TENM2: variants seen among roughly 807,000 people sequenced by gnomAD.
TENM2 encodes the protein teneurin transmembrane protein 2.
A neutral mutation model predicts 245.2 loss-of-function variants in TENM2; 52 were observed. The ratio of observed to expected loss-of-function variants is 0.21; its 90% CI spans 0.17 to 0.27. The LOEUF is 0.27. Ranked by LOEUF, TENM2 falls within the 10% of genes least tolerant of loss-of-function variation. The probability of loss-of-function intolerance (pLI) is 1.00; values close to 1 mark genes in which losing one functional copy is unlikely to be tolerated. For missense variants in TENM2, 3,046 were observed against 3,666.8 expected, an observed-to-expected ratio of 0.83 and a Z score of 4.37; for synonymous variants, 1,363 against 1,438.9, an observed-to-expected ratio of 0.95 and a Z score of 1.19.
At chr5:167,117,625 C>A in the TENM2 span, among the ~76,000 whole-genome samples, 1 of 152,146 alleles carries the variant, frequency 6.6e-6, no homozygotes, top group Admixed American at 6.5e-5. Flanking sequence ...GGTGTTTAGA[C>A]CTTACCTCTT....
intron 2 of TENM2, among the ~76,000 whole-genome samples, chr5:167,647,145 A>G (rs1384641124): frequency 2.0e-5 from 3 of 152,184 alleles, no homozygotes; most frequent in African/African-American, 7.2e-5. Flanking sequence ...CTAAGACATT[A>G]CGGTAGAAGT....
the TENM2 span, among the ~76,000 whole-genome samples, chr5:167,172,625 T>C: frequency 7.2e-6 from 1 of 139,078 alleles, no homozygotes; most frequent in East Asian, 2.7e-4. Context: ...CATTTTCATC[T>C]TTTTTTTTTT....
At chr5:167,293,365 C>G (rs936500915) in intron 1 of TENM2, among the ~76,000 whole-genome samples, 32 of 139,546 alleles carry the variant, frequency 2.3e-4, no homozygotes, top group Non-Finnish European at 4.4e-4. Context: ...CCATGTCCGG[C>G]TAATTTTTTT....
chr5:167,661,092 C>G (rs569515044), intron 2 of TENM2, among the ~76,000 whole-genome samples: 2 of 152,218 alleles, frequency 1.3e-5, no homozygotes, highest in Admixed American at 1.3e-4. Flanking sequence ...CATTAGGGCA[C>G]GTTGCACTGA....
intron 7 of TENM2, among the ~76,000 whole-genome samples, chr5:168,075,349 G>A (rs762745256): frequency 2.2e-4 from 33 of 152,102 alleles, no homozygotes; most frequent in Non-Finnish European, 4.4e-4. Flanking sequence ...ATGGGGATTT[G>A]GGCTGGTTCC....
At chr5:167,061,119 C>CACACAT in the TENM2 span, among the ~76,000 whole-genome samples, 1 of 147,430 alleles carries the variant, frequency 6.8e-6, no homozygotes. Flanking sequence ...CACACACACA[C>CACACAT]ACATGCATAC....
intron 2 of TENM2, among the ~76,000 whole-genome samples, chr5:167,440,791 T>TC (rs1158025276): frequency 6.6e-6 from 1 of 152,122 alleles, no homozygotes. Context: ...TTTCCTTCCT[T>TC]CTTCTAACTT....
intron 2 of TENM2, among the ~76,000 whole-genome samples, chr5:167,667,134 G>A (rs903153725): frequency 3.3e-5 from 5 of 152,140 alleles, no homozygotes; most frequent in African/African-American, 1.2e-4. Context: ...CCTTACATCT[G>A]CTTTCAGTTG....
chr5:167,859,313 G>A (rs1301769819), intron 2 of TENM2, among the ~76,000 whole-genome samples: 9 of 144,488 alleles, frequency 6.2e-5, no homozygotes, highest in Non-Finnish European at 1.2e-4. Flanking sequence ...TCTCCGCCCG[G>A]CAGCCACCCC....
At chr5:168,161,845 T>A (rs939021757) in intron 12 of TENM2, among the ~76,000 whole-genome samples, 9 of 80,446 alleles carry the variant, frequency 1.1e-4, no homozygotes, top group African/African-American at 4.4e-4. Flanking sequence ...CACACACACA[T>A]CAATAAAGGA....
chr5:167,666,203 A>G (rs1755565024), intron 2 of TENM2, among the ~76,000 whole-genome samples: 1 of 152,038 alleles, frequency 6.6e-6, no homozygotes, highest in African/African-American at 2.4e-5. Flanking sequence ...CACACTTAAC[A>G]TTTTTCCCCA....
intron 2 of TENM2, among the ~76,000 whole-genome samples, chr5:167,493,086 GA>G (rs1221166956): frequency 2.6e-5 from 4 of 152,008 alleles, no homozygotes; most frequent in African/African-American, 9.7e-5. Context: ...ATAAAAGTTA[GA>G]TTTTTTTACC....
intron 2 of TENM2, among the ~76,000 whole-genome samples, chr5:167,774,550 A>G (rs551248279): frequency 3.3e-5 from 5 of 152,330 alleles, no homozygotes; most frequent in African/African-American, 1.2e-4. Flanking sequence ...TCTTATAGTC[A>G]GCTCTAGAAA....
At chr5:168,196,664 G>T (rs1425852862) in intron 15 of TENM2, among the ~76,000 whole-genome samples, 1 of 152,180 alleles carries the variant, frequency 6.6e-6, no homozygotes, top group Non-Finnish European at 1.5e-5. Context: ...GTTTCACCAT[G>T]TTGGCCAGGC....
chr5:167,312,123 A>G (rs1756067989), intron 1 of TENM2, among the ~76,000 whole-genome samples: 1 of 152,372 alleles, frequency 6.6e-6, no homozygotes, highest in Non-Finnish European at 1.5e-5. Flanking sequence ...ATACATACAC[A>G]TATGTGCATA....
chr5:167,843,342 G>A (rs1164455932), intron 2 of TENM2, among the ~76,000 whole-genome samples: 5 of 152,114 alleles, frequency 3.3e-5, no homozygotes, highest in Non-Finnish European at 5.9e-5. Context: ...GAGGGAAATC[G>A]CACTTTTGAA....
chr5:168,014,654 T>C (rs1191416842), intron 5 of TENM2, among the ~76,000 whole-genome samples: 1 of 152,192 alleles, frequency 6.6e-6, no homozygotes, highest in Non-Finnish European at 1.5e-5. Flanking sequence ...GGGCCATCTG[T>C]GCAAAGTATT....
chr5:167,816,478 T>G (rs901525243), intron 2 of TENM2, among the ~76,000 whole-genome samples: 2 of 152,204 alleles, frequency 1.3e-5, no homozygotes, highest in African/African-American at 4.8e-5. Flanking sequence ...TTTAATTTTC[T>G]AAGCCACCAA....
chr5:167,263,202 G>C, the TENM2 span, among the ~76,000 whole-genome samples: 1 of 152,136 alleles, frequency 6.6e-6, no homozygotes, highest in South Asian at 2.1e-4. Context: ...TAGCGTGTAT[G>C]AGCGCTTACT....
Sources: allele counts gnomAD v4.1 joint callset (sites outside exome capture counted in the v4.1 genomes callset), GRCh38; gene constraint gnomAD v4.1.1; transcripts MANE v1.5; gene names NCBI Gene and HGNC (gene_info 2026-07-23, HGNC 2026-07-21).